The following SACM1L variants were observed in gnomAD, a reference collection of about 807,000 sequenced individuals.
The protein encoded by SACM1L is SAC1 like phosphatidylinositide phosphatase.
In SACM1L, 32 loss-of-function variants were observed where a neutral mutation model predicts 89.5. The ratio of observed to expected loss-of-function variants is 0.36; its 90% CI spans 0.27 to 0.48. The LOEUF is 0.48. Among genes scored for constraint, SACM1L ranks in the 20% least tolerant of loss-of-function variants. SACM1L has a pLI of 0.99. For synonymous variants in SACM1L, 213 were observed against 232.8 expected (o/e 0.92, Z 0.77); for missense variants, 543 against 708.5 (o/e 0.77, Z 2.65).
intron 4 of SACM1L, 73 bp downstream of exon 4, chr3:45,706,980 T>A: frequency 1.2e-5 from 17 of 1,365,632 alleles, no homozygotes; most frequent in Non-Finnish European, 1.5e-5. Flanking sequence ...AGGGTGAGGG[T>A]GTTGTGGAAT....
At chr3:45,695,484 C>G (rs144678455) in intron 1 of SACM1L, among the ~76,000 whole-genome samples, 1 of 152,036 alleles carries the variant, frequency 6.6e-6, no homozygotes, top group African/African-American at 2.4e-5. Flanking sequence ...TGGTCTTGAT[C>G]TCCTGACCTC....
Position 45,725,973 on chromosome 3 carries a change from C to G in SACM1L, c.921+2430C>G, listed in dbSNP as rs577737116. 2.6e-5 allele frequency among the ~76,000 whole-genome samples: 4 copies of G among 151,918 alleles called. No homozygotes were observed. In the South Asian group the frequency reaches 8.3e-4, roughly 32 times the overall value. ...CGAGATGCTCGTTTGTTTTTTTTCC[C>G]TTCATTCTACTAATGTGGTATGTTA... On this transcript the variant is annotated intron_variant, in intron 11 of 19. Transcript: ENST00000389061.
chr3:45,737,683 G>A, intron 15 of SACM1L, 31 bp downstream of exon 15: 1 of 1,573,718 alleles, frequency 6.4e-7, no homozygotes, highest in South Asian at 1.2e-5. Context: ...AGACAAAGTT[G>A]GTCAGATTTT....
chr3:45,722,644 T>C (rs1698813785), intron 9 of SACM1L, among the ~76,000 whole-genome samples: 1 of 152,236 alleles, frequency 6.6e-6, no homozygotes, highest in Non-Finnish European at 1.5e-5. Context: ...AACTGTCTAC[T>C]ACACAAATGC....
intron 7 of SACM1L, among the ~76,000 whole-genome samples, chr3:45,718,273 A>G (rs551099440): frequency 1.8e-4 from 26 of 144,984 alleles, no homozygotes; most frequent in Non-Finnish European, 3.5e-4. Context: ...AAGAATACAT[A>G]CAGATTAATT....
chr3:45,742,118 C>G (rs1430707448), intron 19 of SACM1L, among the ~76,000 whole-genome samples: 2 of 152,230 alleles, frequency 1.3e-5, no homozygotes, highest in Non-Finnish European at 2.9e-5. Flanking sequence ...ACCAAGAACT[C>G]TGCTTGAATG....
intron 11 of SACM1L, among the ~76,000 whole-genome samples, chr3:45,727,812 G>T (rs1362974971): frequency 6.6e-6 from 1 of 152,082 alleles, no homozygotes; most frequent in Non-Finnish European, 1.5e-5. Context: ...AGCCAGGGTG[G>T]TCTCAATCTC....
intron 3 of SACM1L, among the ~76,000 whole-genome samples, chr3:45,706,107 A>G (rs769561371): frequency 6.6e-6 from 1 of 152,196 alleles, no homozygotes; most frequent in Admixed American, 6.5e-5. Context: ...AGACATGTAC[A>G]TGGCAAAACT....
chr3:45,707,489 G>A (rs1254130608), intron 4 of SACM1L, among the ~76,000 whole-genome samples: 1 of 151,992 alleles, frequency 6.6e-6, no homozygotes, highest in Non-Finnish European at 1.5e-5. Context: ...AGATGAAGGT[G>A]CAAAAAAACA....
intron 1 of SACM1L, among the ~76,000 whole-genome samples, chr3:45,696,728 GT>G (rs1361517547): frequency 6.6e-6 from 1 of 151,954 alleles, no homozygotes; most frequent in Non-Finnish European, 1.5e-5. Context: ...TAGTGGGCCA[GT>G]TTTACTCATT....
intron 1 of SACM1L, among the ~76,000 whole-genome samples, chr3:45,697,884 G>A (rs763577561): frequency 1.2e-4 from 18 of 152,136 alleles, no homozygotes; most frequent in Non-Finnish European, 2.1e-4. Context: ...TTGAACCTTA[G>A]AGATCTGTTA....
At position 45,699,146 on chromosome 3, in the gene SACM1L, T is replaced by C. The variant is rs530777215; in HGVS notation, c.33-4292T>C. Among the ~76,000 whole-genome samples, 356 of 152,298 alleles carry C rather than the reference T, an allele frequency of 2.3e-3. 4 individuals are homozygous for C. Among genetic ancestry groups the C allele is most frequent in the Middle Eastern group, 0.01 (3 of 294 alleles). On this transcript the variant is annotated intron_variant, in intron 1 of 19. Coordinates refer to ENST00000389061, the MANE Select transcript of SACM1L (RefSeq NM_014016.5). ...TTAAAAGTAAGTAGTATACAAAGCTTATAATAACAGAGGCATCTACTTTTT... is the reference window on the plus strand; with the variant it reads ...TTAAAAGTAAGTAGTATACAAAGCTCATAATAACAGAGGCATCTACTTTTT...
chr3:45,699,322 ATG>A (rs1245669411), intron 1 of SACM1L, among the ~76,000 whole-genome samples: 3 of 151,408 alleles, frequency 2.0e-5, no homozygotes, highest in Non-Finnish European at 4.4e-5. Flanking sequence ...AGTAGCAGTA[ATG>A]GTAAAAATAA....
chr3:45,693,661 T>A (rs563724574), intron 1 of SACM1L, among the ~76,000 whole-genome samples: 2 of 152,332 alleles, frequency 1.3e-5, no homozygotes, highest in South Asian at 4.1e-4. Flanking sequence ...CATTGCATTA[T>A]CCATATGACC....
chr3:45,744,838 C>T lies in SACM1L; in HGVS notation c.*1169C>T, dbSNP rs914786779. On this transcript the variant is annotated 3_prime_UTR_variant, in exon 20 of 20. Coordinates refer to ENST00000389061, the MANE Select transcript of SACM1L (RefSeq NM_014016.5). ...AACGGTATGTAAGGTAGTATAATTACCACTATTTTAAATAATTCAGTTAAA... is the reference window on the plus strand; with the variant it reads ...AACGGTATGTAAGGTAGTATAATTATCACTATTTTAAATAATTCAGTTAAA... 1 of 93,022 alleles carries T rather than the reference C, an allele frequency of 1.1e-5. No homozygotes were observed. Among genetic ancestry groups the T allele is most frequent in the Non-Finnish European group, 2.5e-5 (1 of 40,116 alleles). The allele number at this position is 93,022 out of a possible 1,614,324, so 5.8% of individuals were successfully genotyped here. A position where few individuals can be genotyped will look rare whatever the true frequency, so the allele number is the denominator to read the frequency against.
At chr3:45,691,482 A>G (rs1697986208) in intron 1 of SACM1L, among the ~76,000 whole-genome samples, 1 of 152,220 alleles carries the variant, frequency 6.6e-6, no homozygotes, top group Non-Finnish European at 1.5e-5. Flanking sequence ...GATAGTAGCC[A>G]TTTTTTAAAA....
At chr3:45,723,101 C>A in intron 10 of SACM1L, 146 bp downstream of exon 10, 3 of 674,356 alleles carry the variant, frequency 4.4e-6, no homozygotes, top group Non-Finnish European at 7.3e-6. Flanking sequence ...CATAGTAAAC[C>A]CCTAAACCAA....
At chr3:45,738,699 C>A in intron 17 of SACM1L, 28 bp downstream of exon 17, 1 of 1,542,818 alleles carries the variant, frequency 6.5e-7, no homozygotes, top group Non-Finnish European at 9.0e-7. Flanking sequence ...GCTTTCCTGG[C>A]ATTACGTGGT....
At chr3:45,723,785 C>T (rs1203083457) in intron 11 of SACM1L, among the ~76,000 whole-genome samples, 2 of 152,052 alleles carry the variant, frequency 1.3e-5, no homozygotes, top group Non-Finnish European at 2.9e-5. Context: ...ATTTTACTTT[C>T]TGTCTCTCTG....
Sources: gnomAD v4.1 joint callset for allele counts (sites outside exome capture counted in the v4.1 genomes callset) on GRCh38, gnomAD v4.1.1 for gene constraint, MANE v1.5 for transcripts, NCBI Gene and HGNC (gene_info 2026-07-23, HGNC 2026-07-21) for gene names.